The following USP14 variants were observed in gnomAD, a reference collection of about 807,000 sequenced individuals.
USP14 encodes the protein ubiquitin specific peptidase 14, also known as ubiquitin carboxyl-terminal hydrolase 14.
In USP14, 38 loss-of-function variants were observed where a neutral mutation model predicts 76.5. The ratio of observed to expected loss-of-function variants is 0.50; its 90% CI spans 0.38 to 0.65. The LOEUF is 0.65. Ranked by LOEUF, USP14 falls within the 30% of genes least tolerant of loss-of-function variation. USP14 has a pLI of 0.00. For missense variants in USP14, 467 were observed against 586.5 expected (o/e 0.80, Z 2.10); for synonymous variants, 192 against 191.7 (o/e 1.00, Z -0.01).
In USP14 at chr18:214,002, ATGAT is replaced by A. The variant is rs770194692; in HGVS notation, c.*2727_*2730del. The A allele has an allele frequency of 1.6e-5, 2 of 125,278 alleles. No homozygotes were observed. Among genetic ancestry groups the A allele is most frequent in the African/African-American group, 2.8e-5 (1 of 35,124 alleles). The allele number at this position is 125,278 out of a possible 1,614,324, so 7.8% of individuals were successfully genotyped here. ...AGATAGATAGATAGATAGATAGATG[ATGAT>A]TGATTGATGATTGATAGTAAATTAT... On this transcript the variant is annotated 3_prime_UTR_variant, in exon 16 of 16. Transcript: ENST00000261601.
intron 2 of USP14, 115 bp from the exon 3 acceptor site, chr18:166,672 C>G: frequency 1.6e-6 from 2 of 1,251,062 alleles, no homozygotes; most frequent in Non-Finnish European, 2.2e-6. Flanking sequence ...TAAATAAAAT[C>G]TGCATATAGG....
At chr18:187,564 G>GT (rs1909964087) in intron 5 of USP14, among the ~76,000 whole-genome samples, 1 of 152,140 alleles carries the variant, frequency 6.6e-6, no homozygotes. Flanking sequence ...AATATAGGCT[G>GT]TCTCCCCATT....
chr18:211,112 C>T, intron 15 of USP14, 21 bp from the exon 16 acceptor site: 1 of 1,602,862 alleles, frequency 6.2e-7, no homozygotes, highest in Non-Finnish European at 8.5e-7. Context: ...ATTAATTCAT[C>T]TTCTTGTCCC....
At chr18:160,131 T>C (rs568332036) in intron 1 of USP14, among the ~76,000 whole-genome samples, 7 of 152,176 alleles carry the variant, frequency 4.6e-5, no homozygotes, top group African/African-American at 1.7e-4. Flanking sequence ...GTTGAAACCC[T>C]GTCTCTACTA....
At chr18:173,163 C>G (rs1362514627) in intron 3 of USP14, among the ~76,000 whole-genome samples, 2 of 150,552 alleles carry the variant, frequency 1.3e-5, no homozygotes, top group African/African-American at 4.9e-5. Context: ...GGCTGGAGTG[C>G]AGTGGCACGA....
Position 214,619 on chromosome 18 carries a change from AAAG to A in USP14, c.*3339_*3341del, listed in dbSNP as rs1335349080. On this transcript the variant is annotated 3_prime_UTR_variant, in exon 16 of 16. Transcript: ENST00000261601. ...CACAGTTTTAATAAAAAGAAAAAAA[AAAG>A]AAGCTAACTATTTGTCTCATTGTCA... 19 of 1,584,916 alleles carry A rather than the reference AAAG, an allele frequency of 1.2e-5. No homozygotes were observed. Among genetic ancestry groups the A allele is most frequent in the African/African-American group, 1.4e-5 (1 of 73,390 alleles).
Position 203,132 on chromosome 18 carries a change from T to G in USP14, c.977T>G (p.Ile326Ser). 1 of 1,614,144 alleles carries G rather than the reference T, an allele frequency of 6.2e-7. No homozygotes were observed. The highest frequency in any genetic ancestry group is 8.5e-7 in the Non-Finnish European group (1 of 1,180,006). ...AGCCGGCTGCCTGCTTACTTGACCATTCAGATGGTTCGATTTTTTTATAAA... is the reference window on the plus strand; with the variant it reads ...AGCCGGCTGCCTGCTTACTTGACCAGTCAGATGGTTCGATTTTTTTATAAA... ...KISRLPAYLT[I>S]QMVRFFYKEK... Residue 326 changes from isoleucine (I) to serine (S), a missense_variant, in exon 12 of 16, where the codon ATT (isoleucine) becomes AGT (serine). Coordinates refer to ENST00000261601, the MANE Select transcript of USP14 (RefSeq NM_005151.4).
intron 12 of USP14, 37 bp from the exon 13 acceptor site, chr18:204,527 A>G (rs769049229): frequency 1.4e-6 from 2 of 1,460,530 alleles, no homozygotes; most frequent in Non-Finnish European, 1.8e-6. Context: ...ATCTTTATAA[A>G]TGTGTTTACA....
At chr18:200,985 T>C (rs913312756) in intron 10 of USP14, among the ~76,000 whole-genome samples, 1 of 152,032 alleles carries the variant, frequency 6.6e-6, no homozygotes, top group Admixed American at 6.5e-5. Flanking sequence ...GTATTTTTGA[T>C]AGAGACAGGG....
chr18:209,964 T>C lies in USP14; in HGVS notation c.1165-7T>C, dbSNP rs1202553061. 1 of 1,581,568 alleles carries C rather than the reference T, an allele frequency of 6.3e-7. No homozygotes were observed. On this transcript the variant is annotated splice_polypyrimidine_tract_variant and splice_region_variant and intron_variant, in intron 13 of 15. Transcript: ENST00000261601. ...TGATTTAAAATTAAACATTTTTTTC[T>C]CCTCAGAGTGACAAAAAGAGTAGTC...
chr18:210,388 A>G lies in USP14; in HGVS notation c.1228A>G (p.Ile410Val). 6.3e-7 allele frequency: 1 copy of G among 1,595,186 alleles called. No individual in the cohort carries two copies. Among genetic ancestry groups the G allele is most frequent in the Non-Finnish European group, 8.5e-7 (1 of 1,170,472 alleles). ...AATGGATTTACATCTTTCTTTAGATATTGGCTCCAATAATTGTGGATACTA... is the reference window on the plus strand; with the variant it reads ...AATGGATTTACATCTTTCTTTAGATGTTGGCTCCAATAATTGTGGATACTA... Reference protein sequence around the residue: ...KYEPFSFADDIGSNNCGYYDL... With the variant: ...KYEPFSFADDVGSNNCGYYDL... Residue 410 changes from isoleucine to valine, a missense_variant and splice_region_variant, in exon 15 of 16, where the codon ATT becomes GTT. Transcript: ENST00000261601.
chr18:201,356 G>T (rs956644738), intron 10 of USP14, among the ~76,000 whole-genome samples: 1 of 152,100 alleles, frequency 6.6e-6, no homozygotes, highest in African/African-American at 2.4e-5. Flanking sequence ...CCTAGTTTGG[G>T]CAGAGGAGGT....
At position 211,400 on chromosome 18, in the gene USP14, G is replaced by T. The variant is rs1910665964; in HGVS notation, c.*116G>T. On this transcript the variant is annotated 3_prime_UTR_variant, in exon 16 of 16. Transcript: ENST00000261601. ...GTGGGTTTATGTTTCACCTCATTTG[G>T]AACAAAAGAGGACAGAAGCAGACCA... 9.0e-7 allele frequency: 1 copy of T among 1,108,464 alleles called. No individual in the cohort carries two copies. The highest frequency in any genetic ancestry group is 1.3e-6 in the Non-Finnish European group (1 of 796,530). The allele number at this position is 1,108,464 out of a possible 1,614,324, so 68.7% of individuals were successfully genotyped here. A position where few individuals can be genotyped will look rare whatever the true frequency, so the allele number is the denominator to read the frequency against.
intron 7 of USP14, 83 bp downstream of exon 7, chr18:196,850 G>GAAATATA: frequency 1.3e-6 from 2 of 1,533,924 alleles, no homozygotes; most frequent in Non-Finnish European, 1.8e-6. Flanking sequence ...AACATAGTTC[G>GAAATATA]AAATATAAAC....
chr18:182,996 A>C (rs1203304609), intron 5 of USP14, among the ~76,000 whole-genome samples: 2 of 152,254 alleles, frequency 1.3e-5, no homozygotes, highest in Non-Finnish European at 2.9e-5. Context: ...CAGAGTACTG[A>C]CATTCAAATT....
At chr18:165,509 A>C (rs1368980347) in intron 2 of USP14, among the ~76,000 whole-genome samples, 2 of 152,200 alleles carry the variant, frequency 1.3e-5, no homozygotes, top group Non-Finnish European at 2.9e-5. Flanking sequence ...ATGCGAATTA[A>C]ATGAAACTGT....
intron 1 of USP14, among the ~76,000 whole-genome samples, chr18:161,748 GT>G (rs1471279193): frequency 6.6e-6 from 1 of 152,082 alleles, no homozygotes; most frequent in Non-Finnish European, 1.5e-5. Flanking sequence ...CAGTTGTGAG[GT>G]TCTTATTTTT....
At chr18:175,293 C>G (rs1297077697) in intron 3 of USP14, among the ~76,000 whole-genome samples, 1 of 151,952 alleles carries the variant, frequency 6.6e-6, no homozygotes, top group Non-Finnish European at 1.5e-5. Flanking sequence ...ATGCTTAAGA[C>G]TTTAAACAAT....
Position 174,569 on chromosome 18 carries a change from T to C in USP14, c.196-4364T>C, listed in dbSNP as rs535132847. ...GTGTAAGCCACTGCACCCGGCTTATTTCATGGTTTTTAATGTTGTCGTAAG... is the reference window on the plus strand; with the variant it reads ...GTGTAAGCCACTGCACCCGGCTTATCTCATGGTTTTTAATGTTGTCGTAAG... On this transcript the variant is annotated intron_variant, in intron 3 of 15. Coordinates refer to ENST00000261601, the MANE Select transcript of USP14 (RefSeq NM_005151.4). Among the ~76,000 whole-genome samples the C allele has an allele frequency of 4.6e-5, 7 of 151,430 alleles. No individual in the cohort carries two copies. In the South Asian group the frequency reaches 6.3e-4, roughly 14 times the overall value.
Sources: allele counts gnomAD v4.1 joint callset (sites outside exome capture counted in the v4.1 genomes callset), GRCh38; gene constraint gnomAD v4.1.1; transcripts MANE v1.5; gene names NCBI Gene and HGNC (gene_info 2026-07-23, HGNC 2026-07-21).